PPP2R2C: variants seen among roughly 807,000 people sequenced by gnomAD.
PPP2R2C encodes the protein protein phosphatase 2 regulatory subunit Bgamma, also known as protein phosphatase 2, regulatory subunit B, gamma.
Under a neutral mutation model 45.3 loss-of-function variants are expected in PPP2R2C, and 10 were observed. That is an observed-to-expected ratio of 0.22 (90% confidence interval 0.14 to 0.37). PPP2R2C has a LOEUF of 0.37. Among genes scored for constraint, PPP2R2C ranks in the 10% least tolerant of loss-of-function variants. The pLI, the probability that PPP2R2C is intolerant of heterozygous loss-of-function variation, is 1.00. For missense variants in PPP2R2C, 308 were observed against 619.7 expected (o/e 0.50, Z 5.34); for synonymous variants, 257 against 245.4 (o/e 1.05, Z -0.44).
intron 2 of PPP2R2C, among the ~76,000 whole-genome samples, chr4:6,492,447 C>T (rs73796223): frequency 1.1e-3 from 165 of 152,286 alleles, no homozygotes; most frequent in African/African-American, 3.5e-3. Context: ...AGTGCTCTGG[C>T]GTCTTTCTGC....
At chr4:6,380,563 G>A (rs1483731599) in intron 2 of PPP2R2C, among the ~76,000 whole-genome samples, 1 of 152,192 alleles carries the variant, frequency 6.6e-6, no homozygotes, top group Non-Finnish European at 1.5e-5. Context: ...GGCAGAGGAA[G>A]GTTTCACTGA....
intron 1 of PPP2R2C, among the ~76,000 whole-genome samples, chr4:6,453,626 C>T (rs754527830): frequency 6.6e-5 from 10 of 152,114 alleles, no homozygotes; most frequent in Non-Finnish European, 1.0e-4. Flanking sequence ...CCCAGACCAC[C>T]GGGGCTGTAA....
At chr4:6,541,831 T>G (rs1327558816) in intron 1 of PPP2R2C, among the ~76,000 whole-genome samples, 1 of 152,150 alleles carries the variant, frequency 6.6e-6, no homozygotes, top group Non-Finnish European at 1.5e-5. Context: ...TGCCCAGCCA[T>G]GTGAGTCATT....
chr4:6,511,153 TAGTG>T (rs1254409585), intron 2 of PPP2R2C, among the ~76,000 whole-genome samples: 6 of 152,216 alleles, frequency 3.9e-5, no homozygotes, highest in Admixed American at 1.3e-4. Context: ...GCATGCGGTT[TAGTG>T]AGTGTTACAT....
intron 2 of PPP2R2C, among the ~76,000 whole-genome samples, chr4:6,533,023 A>T (rs1200979924): frequency 6.6e-6 from 1 of 152,190 alleles, no homozygotes; most frequent in Non-Finnish European, 1.5e-5. Context: ...TGGTGCATGG[A>T]GGCAGGGGTA....
intron 2 of PPP2R2C, among the ~76,000 whole-genome samples, chr4:6,519,083 C>A (rs530406978): frequency 6.6e-6 from 1 of 152,218 alleles, no homozygotes; most frequent in South Asian, 2.1e-4. Flanking sequence ...TATAGCAATT[C>A]TCCACCATCT....
At chr4:6,391,433 C>T (rs1227298351) in intron 1 of PPP2R2C, among the ~76,000 whole-genome samples, 2 of 152,200 alleles carry the variant, frequency 1.3e-5, no homozygotes, top group South Asian at 2.1e-4. Context: ...CGCTGGGCCT[C>T]GCCAGGCAAG....
At chr4:6,477,792 A>C (rs1368408203) in intron 2 of PPP2R2C, among the ~76,000 whole-genome samples, 2 of 149,438 alleles carry the variant, frequency 1.3e-5, no homozygotes, top group Non-Finnish European at 3.0e-5. Context: ...CTTAGGATGC[A>C]CTGGAGTCAT....
intron 1 of PPP2R2C, among the ~76,000 whole-genome samples, chr4:6,466,911 G>A (rs892531214): frequency 3.9e-5 from 6 of 152,196 alleles, no homozygotes; most frequent in African/African-American, 1.4e-4. Context: ...CAGCAGGGGC[G>A]TGGGAGTTGG....
rs1577126045 is a variant in PPP2R2C, at chr4:6,378,116, G to T, written c.334+291C>A. Reference sequence around the variant, plus strand: ...TCGGATGGCTCTATTCACAGCAGGGGGCAGCCCTGTGTCTGGCCATGGGGA... The same window carrying T: ...TCGGATGGCTCTATTCACAGCAGGGTGCAGCCCTGTGTCTGGCCATGGGGA... On this transcript the variant is annotated intron_variant, in intron 3 of 8. Coordinates refer to ENST00000382599, the MANE Select transcript of PPP2R2C (RefSeq NM_020416.4). The surrounding 1 kb of genome is among the most constrained non-coding windows in gnomAD (Gnocchi z 5.2). 6.6e-6 allele frequency among the ~76,000 whole-genome samples: 1 copy of T among 152,118 alleles called. No homozygotes were observed. Among genetic ancestry groups the T allele is most frequent in the African/African-American group, 2.4e-5 (1 of 41,422 alleles).
chr4:6,459,166 C>T (rs1017569560), intron 1 of PPP2R2C, among the ~76,000 whole-genome samples: 1 of 151,146 alleles, frequency 6.6e-6, no homozygotes, highest in African/African-American at 2.4e-5. Context: ...ATCTCTGTTC[C>T]ATATGGATGG....
chr4:6,323,654 G>A, intron 8 of PPP2R2C, 61 bp from the exon 9 acceptor site: 2 of 1,433,132 alleles, frequency 1.4e-6, no homozygotes, highest in South Asian at 1.5e-5. Flanking sequence ...CGAGAAATAA[G>A]CCCAGGTGTG....
intron 1 of PPP2R2C, among the ~76,000 whole-genome samples, chr4:6,458,894 A>G (rs1560563795): frequency 1.3e-5 from 2 of 152,168 alleles, no homozygotes; most frequent in Admixed American, 1.3e-4. Context: ...TATAAGCAAC[A>G]GAGATTGACC....
At chr4:6,355,405 T>C (rs1368727480) in intron 5 of PPP2R2C, among the ~76,000 whole-genome samples, 9 of 151,978 alleles carry the variant, frequency 5.9e-5, no homozygotes, top group Non-Finnish European at 1.2e-4. Context: ...CATTGGGAGA[T>C]AGACCTAATG....
At position 6,382,622 on chromosome 4, in the gene PPP2R2C, TTCTCTCTC is replaced by T. The variant is rs71173437; in HGVS notation, c.71-1536_71-1529del. 1,822 of 531,148 alleles carry T rather than the reference TTCTCTCTC, an allele frequency of 3.4e-3. 87 individuals carry two copies. Among genetic ancestry groups the T allele is most frequent in the African/African-American group, 0.034 (1,183 of 35,252 alleles). 32.9% of individuals were successfully genotyped at this position (531,148 alleles called of 1,614,324 possible). Reference sequence around the variant, plus strand: ...CAGGCCCAAGCCTTGGAGTTTCTCGTTCTCTCTCTCTCTCTCTCTCTCTCTCTCTCTCT... The same window carrying T: ...CAGGCCCAAGCCTTGGAGTTTCTCGTTCTCTCTCTCTCTCTCTCTCTCTCT... On this transcript the variant is annotated intron_variant, in intron 1 of 8. Coordinates refer to ENST00000382599, the MANE Select transcript of PPP2R2C (RefSeq NM_020416.4).
intron 1 of PPP2R2C, among the ~76,000 whole-genome samples, chr4:6,451,242 A>T (rs1348613322): frequency 6.6e-6 from 1 of 152,158 alleles, no homozygotes; most frequent in Non-Finnish European, 1.5e-5. Flanking sequence ...TGCCTGACAC[A>T]GTGTGGGCTG....
chr4:6,377,780 G>A (rs963316113), intron 3 of PPP2R2C, among the ~76,000 whole-genome samples: 1 of 152,182 alleles, frequency 6.6e-6, no homozygotes, highest in Non-Finnish European at 1.5e-5. Flanking sequence ...CAGGCCCATG[G>A]TGAGCCAAGC....
At chr4:6,560,661 G>A (rs1725545337) in intron 1 of PPP2R2C, among the ~76,000 whole-genome samples, 2 of 152,320 alleles carry the variant, frequency 1.3e-5, no homozygotes, top group South Asian at 4.1e-4. Context: ...CACAGCCATG[G>A]GGTTGGAGCT....
chr4:6,527,323 T>A (rs1488327382), intron 2 of PPP2R2C, among the ~76,000 whole-genome samples: 1 of 152,160 alleles, frequency 6.6e-6, no homozygotes, highest in Non-Finnish European at 1.5e-5. Context: ...CCTTGCCCAT[T>A]TCTGGCTCTA....
Sources: gnomAD v4.1 joint callset for allele counts (sites outside exome capture counted in the v4.1 genomes callset) on GRCh38, gnomAD v4.1.1 for gene constraint, Gnocchi (gnomAD v3.1) non-coding constraint, MANE v1.5 for transcripts, NCBI Gene and HGNC (gene_info 2026-07-23, HGNC 2026-07-21) for gene names.